RANBP2: variants seen among roughly 807,000 people sequenced by gnomAD.
RANBP2 encodes RAN binding protein 2.
In RANBP2, 57 loss-of-function variants were observed where a neutral mutation model predicts 303.6. The observed-to-expected ratio is 0.19, with a 90% CI of 0.15 to 0.23. The LOEUF (loss-of-function observed/expected upper bound fraction) is 0.23, where lower values mean the gene tolerates loss of function less well. Ranked by LOEUF, RANBP2 falls within the 10% of genes least tolerant of loss-of-function variation. The probability of loss-of-function intolerance (pLI) is 1.00; values close to 1 mark genes in which losing one functional copy is unlikely to be tolerated. For missense variants in RANBP2, 3,138 were observed against 3,780.8 expected, an observed-to-expected ratio of 0.83 and a Z score of 4.46; for synonymous variants, 1,167 against 1,301.5, an observed-to-expected ratio of 0.90 and a Z score of 2.23.
chr2:108,724,969 A>T (rs577089256), intron 1 of RANBP2, among the ~76,000 whole-genome samples: 9 of 150,686 alleles, frequency 6.0e-5, no homozygotes, highest in African/African-American at 2.2e-4. Context: ...CATCTGAATT[A>T]AAAAAAAAAT....
chr2:108,862,274 T>C, the RANBP2 span, among the ~76,000 whole-genome samples: 1 of 152,158 alleles, frequency 6.6e-6, no homozygotes, highest in African/African-American at 2.4e-5. Flanking sequence ...TATCTTACCT[T>C]ACTATATGGG....
the RANBP2 span, among the ~76,000 whole-genome samples, chr2:109,338,097 C>A: frequency 6.6e-6 from 1 of 152,162 alleles, no homozygotes; most frequent in Non-Finnish European, 1.5e-5. Context: ...TTAGTAAACA[C>A]GCTGTGTGCT....
the RANBP2 span, among the ~76,000 whole-genome samples, chr2:109,416,994 A>G: frequency 6.6e-6 from 1 of 151,032 alleles, no homozygotes; most frequent in Non-Finnish European, 1.5e-5. Context: ...GGTGTTCCCC[A>G]TGGGGGCCCA....
chr2:109,036,697 T>G, the RANBP2 span, among the ~76,000 whole-genome samples: 1 of 152,194 alleles, frequency 6.6e-6, no homozygotes, highest in South Asian at 2.1e-4. Context: ...CAATCCTAAG[T>G]TGAGAAAGAG....
rs1161599024 is a variant in RANBP2 at position 108,719,558 on chromosome 2, G to A, written c.-49G>A. On this transcript the variant is annotated 5_prime_UTR_variant, in exon 1 of 29. Transcript: ENST00000283195. ...TCCTCTTGGAAGTGGCGACTGCTGC[G>A]GGCCTGAGCGCTGGTCTCACGCGCC... is the stretch of plus-strand genomic sequence containing the variant. 20 of 1,574,530 alleles carry A rather than the reference G, an allele frequency of 1.3e-5. No individual in the cohort carries two copies. Among genetic ancestry groups the A allele is most frequent in the Non-Finnish European group, 1.6e-5 (19 of 1,161,866 alleles).
chr2:109,157,904 C>T, the RANBP2 span, among the ~76,000 whole-genome samples: 1 of 152,138 alleles, frequency 6.6e-6, no homozygotes, highest in Non-Finnish European at 1.5e-5. Flanking sequence ...TTCTCTGTGG[C>T]AGCTGCTCGT....
At chr2:108,892,272 C>T in the RANBP2 span, among the ~76,000 whole-genome samples, 1 of 152,174 alleles carries the variant, frequency 6.6e-6, no homozygotes, top group African/African-American at 2.4e-5. Context: ...CACCCTCCCA[C>T]CCTGGCTGCA....
At chr2:109,641,892 G>A in the RANBP2 span, among the ~76,000 whole-genome samples, 1 of 152,134 alleles carries the variant, frequency 6.6e-6, no homozygotes, top group Non-Finnish European at 1.5e-5. Context: ...TGCAACCTAT[G>A]CCTGCTGGGT....
At chr2:109,072,194 C>G in the RANBP2 span, among the ~76,000 whole-genome samples, 1 of 152,174 alleles carries the variant, frequency 6.6e-6, no homozygotes, top group African/African-American at 2.4e-5. Flanking sequence ...ACTTAGAATA[C>G]TGGGTAGGAA....
the RANBP2 span, among the ~76,000 whole-genome samples, chr2:109,630,875 G>C: frequency 3.4e-3 from 520 of 152,278 alleles, 33 homozygotes; most frequent in East Asian, 0.092. Context: ...AGACCAGCCT[G>C]GCCAACATGG....
the RANBP2 span, among the ~76,000 whole-genome samples, chr2:109,292,562 A>G: frequency 6.6e-6 from 1 of 152,146 alleles, no homozygotes; most frequent in Non-Finnish European, 1.5e-5. Context: ...TTTAAATGAC[A>G]TCATCCCCTA....
At chr2:109,105,646 C>T in the RANBP2 span, among the ~76,000 whole-genome samples, 3 of 152,180 alleles carry the variant, frequency 2.0e-5, no homozygotes, top group Non-Finnish European at 4.4e-5. Flanking sequence ...CCTCTGCCTC[C>T]CAGGTTCAAG....
chr2:109,291,069 TCC>T, the RANBP2 span, among the ~76,000 whole-genome samples: 1 of 152,062 alleles, frequency 6.6e-6, no homozygotes. Context: ...CAACAAATAA[TCC>T]CATAGCTTCC....
At chr2:109,309,556 C>A in the RANBP2 span, among the ~76,000 whole-genome samples, 3 of 128,624 alleles carry the variant, frequency 2.3e-5, no homozygotes, top group East Asian at 6.3e-4. Context: ...CACAGACTGG[C>A]AAATTGGATA....
At chr2:109,364,111 C>T in the RANBP2 span, among the ~76,000 whole-genome samples, 2 of 151,428 alleles carry the variant, frequency 1.3e-5, no homozygotes, top group South Asian at 4.2e-4. Context: ...AATTGCCCCA[C>T]AATTCTTGCT....
chr2:109,005,066 T>C, the RANBP2 span, among the ~76,000 whole-genome samples: 1 of 152,190 alleles, frequency 6.6e-6, no homozygotes, highest in Admixed American at 6.5e-5. Context: ...CCCAGGCCCC[T>C]GGCCTCTTCA....
chr2:109,568,775 GCCT>G, the RANBP2 span, among the ~76,000 whole-genome samples: 2 of 152,124 alleles, frequency 1.3e-5, no homozygotes, highest in Admixed American at 6.5e-5. Flanking sequence ...TTCTCTTTGT[GCCT>G]CGTTTCAGGA....
chr2:108,886,595 AAT>A, the RANBP2 span, among the ~76,000 whole-genome samples: 1 of 151,844 alleles, frequency 6.6e-6, no homozygotes, highest in Non-Finnish European at 1.5e-5. Flanking sequence ...TTGTATTTTT[AAT>A]AGAGACGGCT....
the RANBP2 span, among the ~76,000 whole-genome samples, chr2:109,640,186 C>G: frequency 3.3e-5 from 5 of 151,760 alleles, no homozygotes; most frequent in Non-Finnish European, 5.9e-5. Context: ...AGCACAGTGG[C>G]TCATGCCTGT....
Sources: gnomAD v4.1 joint callset for allele counts (sites outside exome capture counted in the v4.1 genomes callset) on GRCh38, gnomAD v4.1.1 for gene constraint, MANE v1.5 for transcripts, NCBI Gene and HGNC (gene_info 2026-07-23, HGNC 2026-07-21) for gene names.